ROBO2: variants seen among roughly 807,000 people sequenced by gnomAD.
The protein encoded by ROBO2 is roundabout guidance receptor 2, also known as roundabout homolog 2.
A neutral mutation model predicts 160.8 loss-of-function variants in ROBO2; 53 were observed. The observed-to-expected ratio is 0.33, with a 90% CI of 0.26 to 0.41. ROBO2 has a LOEUF of 0.41. Ranked by LOEUF, ROBO2 falls within the 10% of genes least tolerant of loss-of-function variation. The pLI is 1.00. For synonymous variants in ROBO2, 664 were observed against 611.7 expected, an observed-to-expected ratio of 1.09 and a Z score of -1.26; for missense variants, 1,577 against 1,722.4, an observed-to-expected ratio of 0.92 and a Z score of 1.49.
intron 2 of ROBO2, among the ~76,000 whole-genome samples, chr3:77,176,738 T>C (rs2080198869): frequency 6.6e-6 from 1 of 152,002 alleles, no homozygotes; most frequent in Non-Finnish European, 1.5e-5. Context: ...AGGAATAAAC[T>C]GCATTATATT....
At chr3:76,814,645 G>T (rs552537190) in intron 2 of ROBO2, among the ~76,000 whole-genome samples, 32 of 151,920 alleles carry the variant, frequency 2.1e-4, no homozygotes, top group Admixed American at 1.7e-3. Context: ...CCTACACTCA[G>T]CATGCCTTTA....
intron 2 of ROBO2, among the ~76,000 whole-genome samples, chr3:75,998,425 T>C (rs185168001): frequency 5.3e-4 from 81 of 152,338 alleles, no homozygotes; most frequent in Non-Finnish European, 7.1e-4. Context: ...ACCAACACTT[T>C]CATAGCTAGT....
At chr3:77,532,778 A>C (rs892021559) in intron 6 of ROBO2, among the ~76,000 whole-genome samples, 1 of 151,168 alleles carries the variant, frequency 6.6e-6, no homozygotes, top group Admixed American at 6.6e-5. Flanking sequence ...CTTTATCTTT[A>C]CTTGTCTTTT....
chr3:76,610,770 G>C (rs922270728), intron 2 of ROBO2, among the ~76,000 whole-genome samples: 3 of 152,032 alleles, frequency 2.0e-5, no homozygotes, highest in African/African-American at 7.2e-5. Context: ...TTCTCCTGTG[G>C]TCCAGCGAGC....
intron 2 of ROBO2, among the ~76,000 whole-genome samples, chr3:77,019,938 A>T (rs1452495602): frequency 6.6e-6 from 1 of 152,174 alleles, no homozygotes; most frequent in African/African-American, 2.4e-5. Flanking sequence ...CGACTTGGTT[A>T]TGGGGCTTAA....
chr3:76,173,706 T>C lies in ROBO2; in HGVS notation c.109+236104T>C, dbSNP rs552143902. On this transcript the variant is annotated intron_variant, in intron 2 of 26. Transcript: ENST00000487694. Reference sequence around the variant, plus strand: ...AGGACATGAGCTCATTCTTTTTTTATGGCTGCATAGTATTCCATGGTATAT... The same window carrying C: ...AGGACATGAGCTCATTCTTTTTTTACGGCTGCATAGTATTCCATGGTATAT... Among the ~76,000 whole-genome samples, 13 of 152,302 alleles carry C rather than the reference T, an allele frequency of 8.5e-5. No homozygotes were observed. The East Asian group carries it at 2.3e-3, about 27-fold the overall frequency.
At chr3:77,040,697 A>G in exon 1 of ROBO2, 1 of 1,608,228 alleles carries the variant, frequency 6.2e-7, no homozygotes, top group Non-Finnish European at 8.5e-7. Flanking sequence ...TAAACTTTGG[A>G]CCTACCTCTT....
intron 2 of ROBO2, among the ~76,000 whole-genome samples, chr3:76,588,433 A>T (rs1165981361): frequency 1.3e-5 from 2 of 152,202 alleles, no homozygotes; most frequent in Non-Finnish European, 2.9e-5. Context: ...CTTCTAGAGG[A>T]TGGATTAAGC....
chr3:77,336,037 A>T (rs975819810), intron 2 of ROBO2, among the ~76,000 whole-genome samples: 1 of 152,236 alleles, frequency 6.6e-6, no homozygotes, highest in African/African-American at 2.4e-5. Context: ...AATGGACTAT[A>T]AAGTTCCAGT....
At chr3:76,121,375 G>C (rs895099184) in intron 2 of ROBO2, among the ~76,000 whole-genome samples, 3 of 152,100 alleles carry the variant, frequency 2.0e-5, no homozygotes, top group African/African-American at 7.2e-5. Flanking sequence ...ACATAGCAAA[G>C]CATCTGTGTG....
At chr3:76,586,756 C>G (rs1289042847) in intron 2 of ROBO2, among the ~76,000 whole-genome samples, 2 of 152,178 alleles carry the variant, frequency 1.3e-5, no homozygotes, top group African/African-American at 4.8e-5. Flanking sequence ...ATTGCAAGCA[C>G]TTGTCATGCA....
Position 76,923,427 on chromosome 3 carries a change from C to T in ROBO2, c.110-174587C>T, listed in dbSNP as rs151287712. Among the ~76,000 whole-genome samples, 48 of 152,222 alleles carry T rather than the reference C, an allele frequency of 3.2e-4. No individual in the cohort carries two copies. In the East Asian group the frequency reaches 8.5e-3, roughly 27 times the overall value. The stretch of plus-strand genomic sequence containing the variant: ...TATTGTAACTATGAGTGTAGTGTAG[C>T]TAAAATGGCAGGTGGGTGCGAATGT... On this transcript the variant is annotated intron_variant, in intron 2 of 26. Coordinates refer to the ROBO2 transcript ENST00000487694.
intron 2 of ROBO2, among the ~76,000 whole-genome samples, chr3:76,982,102 T>C (rs1289652452): frequency 6.6e-6 from 1 of 152,176 alleles, no homozygotes; most frequent in Non-Finnish European, 1.5e-5. Flanking sequence ...AATTTCTCTA[T>C]TTTTTTGTTG....
chr3:77,325,268 T>G (rs1342213608), intron 2 of ROBO2, among the ~76,000 whole-genome samples: 1 of 152,194 alleles, frequency 6.6e-6, no homozygotes, highest in Non-Finnish European at 1.5e-5. Context: ...GGGAGAAATC[T>G]CAGTGACTGA....
At position 77,558,169 on chromosome 3, in the gene ROBO2, T is replaced by C. The variant is rs2153658766; in HGVS notation, c.1437+20T>C. ...TTACGGGTAAGTAATATTGGACTTGTACATGAATTATCATCTACACATAAG... is the reference window on the plus strand; with the variant it reads ...TTACGGGTAAGTAATATTGGACTTGCACATGAATTATCATCTACACATAAG... On this transcript the variant is annotated intron_variant, in intron 9 of 25. Transcript: ENST00000461745. 3 of 1,595,608 alleles carry C rather than the reference T, an allele frequency of 1.9e-6. No homozygotes were observed. Among genetic ancestry groups the C allele is most frequent in the Non-Finnish European group, 2.6e-6 (3 of 1,163,710 alleles).
At chr3:76,886,762 T>C (rs1327441350) in intron 2 of ROBO2, among the ~76,000 whole-genome samples, 2 of 151,902 alleles carry the variant, frequency 1.3e-5, no homozygotes, top group African/African-American at 2.4e-5. Context: ...TATAAAGTGA[T>C]GGCTGAGGGT....
intron 2 of ROBO2, among the ~76,000 whole-genome samples, chr3:76,865,599 G>C (rs1024743457): frequency 6.6e-6 from 1 of 152,028 alleles, no homozygotes; most frequent in Non-Finnish European, 1.5e-5. Context: ...GGATCACCAA[G>C]GTCATAACCA....
intron 2 of ROBO2, among the ~76,000 whole-genome samples, chr3:76,390,502 C>A (rs932897806): frequency 6.6e-6 from 1 of 152,100 alleles, no homozygotes; most frequent in African/African-American, 2.4e-5. Flanking sequence ...ATAATTATAA[C>A]TGTAATTTTT....
intron 2 of ROBO2, among the ~76,000 whole-genome samples, chr3:77,140,855 A>T (rs2076647454): frequency 6.6e-6 from 1 of 152,126 alleles, no homozygotes; most frequent in Non-Finnish European, 1.5e-5. Flanking sequence ...ACCTATAATA[A>T]CTCTTCTTTT....
Sources: allele counts gnomAD v4.1 joint callset (sites outside exome capture counted in the v4.1 genomes callset), GRCh38; gene constraint gnomAD v4.1.1; transcripts MANE v1.5; gene names NCBI Gene and HGNC (gene_info 2026-07-23, HGNC 2026-07-21).